Variants in ZNF236 observed in about 807,000 individuals in gnomAD.
The protein encoded by ZNF236 is regulated by glucose.
In ZNF236, 50 loss-of-function variants were observed where a neutral mutation model predicts 191.2. That is an observed-to-expected ratio of 0.26 (90% CI 0.21 to 0.33). The LOEUF is 0.33. Ranked by LOEUF, ZNF236 falls within the 10% of genes least tolerant of loss-of-function variation. The probability of loss-of-function intolerance (pLI) is 1.00; values close to 1 mark genes in which losing one functional copy is unlikely to be tolerated. For synonymous variants in ZNF236, 907 were observed against 928.8 expected, an observed-to-expected ratio of 0.98 and a Z score of 0.43; for missense variants, 1,754 against 2,374.5, an observed-to-expected ratio of 0.74 and a Z score of 5.43.
At position 76,968,208 on chromosome 18, in the gene ZNF236, A is replaced by C. The variant is rs187113637; in HGVS notation, c.5420-7A>C. On this transcript the variant is annotated splice_region_variant and splice_polypyrimidine_tract_variant and intron_variant, in intron 30 of 30. Transcript: ENST00000320610. Reference sequence around the variant, plus strand: ...GGCTGCTTGTGTTTTCTTTGTCTGCATAACAGGAGCTCTGCAGGAGTCTGC... The same window carrying C: ...GGCTGCTTGTGTTTTCTTTGTCTGCCTAACAGGAGCTCTGCAGGAGTCTGC... 6.2e-7 allele frequency: 1 copy of C among 1,613,934 alleles called. No individual in the cohort carries two copies.
At position 76,908,466 on chromosome 18, in the gene ZNF236, C is replaced by T; in HGVS notation, c.2444C>T (p.Ala815Val). 5 of 1,614,200 alleles carry T rather than the reference C, an allele frequency of 3.1e-6. No individual in the cohort carries two copies. Among genetic ancestry groups the T allele is most frequent in the Non-Finnish European group, 4.2e-6 (5 of 1,180,048 alleles). ...DELPQTAEVV[A>V]ANPEAMLDLE... is the part of the protein sequence containing the mutation. ...CTGCCGCAGACGGCAGAGGTGGTCGCAGCGAACCCCGAGGCCATGCTGGAC... is the reference window on the plus strand; with the variant it reads ...CTGCCGCAGACGGCAGAGGTGGTCGTAGCGAACCCCGAGGCCATGCTGGAC... Residue 815 changes from alanine to valine, a missense_variant, in exon 14 of 31, where the codon GCA becomes GTA. This residue lies in a region of ZNF236 where 641 missense variants were observed against 869.6 expected (regional missense o/e 0.74). Transcript: ENST00000320610.
At chr18:76,910,572 G>A in intron 15 of ZNF236, 88 bp from the exon 16 acceptor site, 1 of 1,319,128 alleles carries the variant, frequency 7.6e-7, no homozygotes, top group Non-Finnish European at 1.0e-6. Flanking sequence ...TGCCCCTTTA[G>A]ACATTTTAAA....
intron 17 of ZNF236, 116 bp from the exon 18 acceptor site, chr18:76,913,631 C>G: frequency 9.2e-7 from 1 of 1,081,918 alleles, no homozygotes; most frequent in Non-Finnish European, 1.3e-6. Context: ...ACAGTTGTGC[C>G]TAAATGTTTC....
intron 3 of ZNF236, among the ~76,000 whole-genome samples, chr18:76,857,006 T>C (rs1976057955): frequency 6.6e-6 from 1 of 152,240 alleles, no homozygotes; most frequent in Non-Finnish European, 1.5e-5. Context: ...TCCACACTGA[T>C]GCTGCAGTGT....
chr18:76,962,126 G>C (rs988285052), intron 30 of ZNF236, among the ~76,000 whole-genome samples: 21 of 152,044 alleles, frequency 1.4e-4, no homozygotes, highest in African/African-American at 5.1e-4. Flanking sequence ...TGTGCTCTTG[G>C]TCCTCGCCGA....
chr18:76,966,425 G>T (rs1968778911), intron 30 of ZNF236, among the ~76,000 whole-genome samples: 1 of 152,140 alleles, frequency 6.6e-6, no homozygotes, highest in African/African-American at 2.4e-5. Context: ...ATTTATTGGA[G>T]TAAAATGGCA....
chr18:76,949,779 C>G, intron 27 of ZNF236, among the ~76,000 whole-genome samples: 1 of 151,922 alleles, frequency 6.6e-6, no homozygotes. Context: ...CTGCCTCAGC[C>G]TCCCAAGTAG....
At chr18:76,892,160 TCTTCTGGG>T (rs1465042223) in intron 9 of ZNF236, among the ~76,000 whole-genome samples, 1 of 134,072 alleles carries the variant, frequency 7.5e-6, no homozygotes, top group Non-Finnish European at 1.5e-5. Flanking sequence ...TTTGAAATTT[TCTTCTGGG>T]TTTTTTTTTT....
At chr18:76,905,038 G>T in intron 12 of ZNF236, 117 bp from the exon 13 acceptor site, 1 of 1,148,590 alleles carries the variant, frequency 8.7e-7, no homozygotes, top group Non-Finnish European at 1.2e-6. Flanking sequence ...CGGCATTGCT[G>T]CTTAGCTTTA....
chr18:76,939,457 C>T (rs1018228089), intron 26 of ZNF236, among the ~76,000 whole-genome samples: 1 of 152,176 alleles, frequency 6.6e-6, no homozygotes. Context: ...TCCTACCTGT[C>T]ATCTTGGTCA....
intron 1 of ZNF236, among the ~76,000 whole-genome samples, chr18:76,842,437 A>AC (rs2122464844): frequency 7.4e-6 from 1 of 136,038 alleles, no homozygotes; most frequent in Non-Finnish European, 1.6e-5. Flanking sequence ...ACCCCCCTCA[A>AC]CTTTTTTTTT....
Position 76,959,805 on chromosome 18 carries a change from G to A in ZNF236, c.5231G>A (p.Arg1744His), listed in dbSNP as rs777005598. The stretch of plus-strand genomic sequence containing the variant: ...CCAAGCCAGCTGGAGCGCCACAGCC[G>A]CATACATACAGGTAACGGGGAAGGA... ...AKPSQLERHSRIHTGERPFHC... is the reference protein window; with the variant it reads ...AKPSQLERHSHIHTGERPFHC... Residue 1744 changes from arginine (R) to histidine (H), a missense_variant, in exon 29 of 31, where the codon CGC becomes CAC. Transcript: ENST00000320610. 5 of 1,613,862 alleles carry A rather than the reference G, an allele frequency of 3.1e-6. No individual in the cohort carries two copies. The highest frequency in any genetic ancestry group is 3.4e-6 in the Non-Finnish European group (4 of 1,179,902).
chr18:76,945,181 A>G (rs773804703), intron 26 of ZNF236, among the ~76,000 whole-genome samples: 1 of 152,218 alleles, frequency 6.6e-6, no homozygotes, highest in African/African-American at 2.4e-5. Context: ...TGATATACCT[A>G]TACAAGCTAA....
intron 3 of ZNF236, among the ~76,000 whole-genome samples, chr18:76,866,893 C>T (rs946416114): frequency 5.3e-5 from 8 of 152,122 alleles, no homozygotes; most frequent in African/African-American, 1.4e-4. Flanking sequence ...GTGATGTAGC[C>T]GTCTGTAAGC....
chr18:76,823,222 C>T (rs982738609), intron 1 of ZNF236, among the ~76,000 whole-genome samples: 1 of 148,480 alleles, frequency 6.7e-6, no homozygotes, highest in Non-Finnish European at 1.5e-5. Context: ...TAGGCGCCAG[C>T]GTTGTCCGGG....
In ZNF236 at chr18:76,960,739, A is replaced by G. The variant is rs369725807; in HGVS notation, c.5303A>G (p.Gln1768Arg). 1.9e-6 allele frequency: 3 copies of G among 1,614,208 alleles called. No homozygotes were observed. Among genetic ancestry groups the G allele is most frequent in the Non-Finnish European group, 2.5e-6 (3 of 1,180,036 alleles). The change falls in exon 30 of 31, where the codon CAG becomes CGG. Residue 1768 changes from glutamine to arginine, a missense_variant. By Grantham distance (43) the Gln-to-Arg change is conservative. Coordinates refer to ENST00000320610, the MANE Select transcript of ZNF236 (RefSeq NM_001306089.2). This position sits in a 1 kb window ranked among gnomAD's most constrained non-coding sequence, Gnocchi z 4.4. Reference sequence around the variant, plus strand: ...GCCTTCAACCAGAAGAGTGCGCTGCAGGTGCACATGAAGAAGCACACGGGG... The same window carrying G: ...GCCTTCAACCAGAAGAGTGCGCTGCGGGTGCACATGAAGAAGCACACGGGG... ...EKAFNQKSAL[Q>R]VHMKKHTGER...
intron 9 of ZNF236, 108 bp downstream of exon 9, chr18:76,881,620 A>G (rs565286625): frequency 1.0e-6 from 1 of 981,588 alleles, no homozygotes; most frequent in South Asian, 1.7e-5. Flanking sequence ...ATGTTTGTTG[A>G]ATGTTTTGTA....
In ZNF236 at chr18:76,875,670, C is replaced by T. The variant is rs1283028787; in HGVS notation, c.840+6C>T. On this transcript the variant is annotated splice_donor_region_variant and intron_variant, in intron 6 of 30. Coordinates refer to ENST00000320610, the MANE Select transcript of ZNF236 (RefSeq NM_001306089.2). This position sits in a 1 kb window ranked among gnomAD's most constrained non-coding sequence, Gnocchi z 4.3. ...TGCAGCGAGTCCACTCAGAGGTAAA[C>T]ACGGGTTGGGGGCATAAGCGGTATT... 6 of 1,557,514 alleles carry T rather than the reference C, an allele frequency of 3.9e-6. No homozygotes were observed. Among genetic ancestry groups the T allele is most frequent in the Non-Finnish European group, 4.4e-6 (5 of 1,146,002 alleles).
chr18:76,904,666 A>G (rs1194206066), intron 12 of ZNF236, 145 bp downstream of exon 12: 2 of 670,470 alleles, frequency 3.0e-6, no homozygotes, highest in East Asian at 3.4e-5. Context: ...ATTGGTAATT[A>G]ATATTTTTAT....
Sources: allele counts gnomAD v4.1 joint callset (sites outside exome capture counted in the v4.1 genomes callset), GRCh38; gene constraint gnomAD v4.1.1; regional missense constraint gnomAD v4.1.1; non-coding constraint Gnocchi (gnomAD v3.1); transcripts MANE v1.5; gene names NCBI Gene and HGNC (gene_info 2026-07-23, HGNC 2026-07-21).